The following ANKS1B variants were observed in gnomAD, a reference collection of about 807,000 sequenced individuals.
ANKS1B encodes ankyrin repeat and sterile alpha motif domain containing 1B, also known as ankyrin repeat and sterile alpha motif domain-containing protein 1B.
In ANKS1B, 36 loss-of-function variants were observed where a neutral mutation model predicts 148.3. The observed-to-expected ratio is 0.24, with a 90% CI of 0.19 to 0.32. The LOEUF is 0.32. ANKS1B is among the 10% of genes least tolerant of loss of function. The probability of loss-of-function intolerance (pLI) is 1.00; values close to 1 mark genes in which losing one functional copy is unlikely to be tolerated. For missense variants in ANKS1B, 1,157 were observed against 1,542.6 expected (o/e 0.75, Z 4.19); for synonymous variants, 542 against 560.8 (o/e 0.97, Z 0.47).
chr12:99,716,918 C>T (rs547027429), intron 8 of ANKS1B, among the ~76,000 whole-genome samples: 115 of 152,276 alleles, frequency 7.6e-4, no homozygotes, highest in Middle Eastern at 6.8e-3. Flanking sequence ...TATCACCTCC[C>T]TTCCTCACAC....
intron 25 of ANKS1B, among the ~76,000 whole-genome samples, chr12:98,760,249 G>A (rs922376075): frequency 3.3e-5 from 5 of 149,416 alleles, no homozygotes; most frequent in South Asian, 2.1e-4. Context: ...AGTCTTTTGC[G>A]TTTAAAATAG....
intron 10 of ANKS1B, among the ~76,000 whole-genome samples, chr12:99,487,615 TGGGGGGGG>T (rs35369607): frequency 6.7e-6 from 1 of 149,652 alleles, no homozygotes; most frequent in African/African-American, 2.4e-5. Context: ...ACATTCAATA[TGGGGGGGG>T]GACATTTTTC....
chr12:98,902,133 TA>T (rs2099772992), intron 17 of ANKS1B, among the ~76,000 whole-genome samples: 2 of 152,226 alleles, frequency 1.3e-5, no homozygotes, highest in African/African-American at 4.8e-5. Context: ...GGAATGAATA[TA>T]AACACTGAGA....
chr12:98,937,107 A>AG (rs995886589), intron 17 of ANKS1B, among the ~76,000 whole-genome samples: 1 of 152,210 alleles, frequency 6.6e-6, no homozygotes, highest in Non-Finnish European at 1.5e-5. Flanking sequence ...GTTGTCTCAA[A>AG]GTGGAGAATG....
chr12:99,382,362 T>C (rs2093673596), intron 12 of ANKS1B, among the ~76,000 whole-genome samples: 1 of 151,358 alleles, frequency 6.6e-6, no homozygotes, highest in South Asian at 2.1e-4. Context: ...ATAGACAGAG[T>C]CCTAAGAAGT....
intron 16 of ANKS1B, among the ~76,000 whole-genome samples, chr12:99,080,849 A>G (rs2153614490): frequency 6.6e-6 from 1 of 152,354 alleles, no homozygotes; most frequent in Non-Finnish European, 1.5e-5. Context: ...CAGTAGAAAA[A>G]AAGCCATTTT....
chr12:98,830,167 C>G (rs1364581378), intron 18 of ANKS1B, among the ~76,000 whole-genome samples: 1 of 152,098 alleles, frequency 6.6e-6, no homozygotes, highest in Non-Finnish European at 1.5e-5. Context: ...AATGACTCCT[C>G]TAAAGAGTCA....
At chr12:99,033,140 G>A (rs559119024) in intron 17 of ANKS1B, among the ~76,000 whole-genome samples, 2 of 152,270 alleles carry the variant, frequency 1.3e-5, no homozygotes, top group Non-Finnish European at 2.9e-5. Context: ...AAAAATGCAT[G>A]CCCAGGACCC....
At chr12:99,870,942 G>A (rs186571492) in intron 1 of ANKS1B, among the ~76,000 whole-genome samples, 190 of 152,042 alleles carry the variant, frequency 1.2e-3, no homozygotes, top group African/African-American at 2.6e-3. Context: ...GGTCCTACTC[G>A]TCAATTTTTA....
At chr12:99,553,866 G>C (rs1018018748) in intron 9 of ANKS1B, among the ~76,000 whole-genome samples, 1 of 152,216 alleles carries the variant, frequency 6.6e-6, no homozygotes, top group Admixed American at 6.5e-5. Flanking sequence ...TGTCCAATTA[G>C]AATGTCTTTA....
chr12:99,746,948 T>C (rs1179151135), intron 8 of ANKS1B, among the ~76,000 whole-genome samples: 2 of 152,088 alleles, frequency 1.3e-5, no homozygotes, highest in Admixed American at 1.3e-4. Context: ...TATAAATTAC[T>C]AAATTCAGTG....
intron 14 of ANKS1B, among the ~76,000 whole-genome samples, chr12:99,193,347 C>A (rs2153886303): frequency 6.6e-6 from 1 of 152,296 alleles, no homozygotes; most frequent in Middle Eastern, 3.4e-3. Context: ...CCTCACACCA[C>A]ACAGGTCCTA....
chr12:99,452,518 T>A (rs1383129005), intron 10 of ANKS1B, among the ~76,000 whole-genome samples: 2 of 152,178 alleles, frequency 1.3e-5, no homozygotes, highest in African/African-American at 4.8e-5. Flanking sequence ...ATTAAATAGA[T>A]AAATAAATAA....
chr12:99,780,304 C>T (rs890942375), intron 5 of ANKS1B, among the ~76,000 whole-genome samples: 6 of 151,800 alleles, frequency 4.0e-5, no homozygotes, highest in African/African-American at 1.5e-4. Flanking sequence ...GAGACGGAGT[C>T]TCACTCTGTT....
intron 1 of ANKS1B, among the ~76,000 whole-genome samples, chr12:99,961,521 G>A (rs2095412303): frequency 6.6e-6 from 1 of 152,056 alleles, no homozygotes; most frequent in Non-Finnish European, 1.5e-5. Flanking sequence ...CATCCTCACT[G>A]CCTTGATTCC....
At chr12:98,929,600 T>C (rs941724361) in intron 17 of ANKS1B, among the ~76,000 whole-genome samples, 1 of 152,022 alleles carries the variant, frequency 6.6e-6, no homozygotes, top group Non-Finnish European at 1.5e-5. Context: ...GACATATAAA[T>C]CAATGAAAAT....
intron 10 of ANKS1B, among the ~76,000 whole-genome samples, chr12:99,480,272 A>C (rs1567183727): frequency 6.6e-6 from 1 of 151,984 alleles, no homozygotes; most frequent in East Asian, 1.9e-4. Flanking sequence ...GGAGCTTCAA[A>C]CTTAGCTTCT....
intron 8 of ANKS1B, among the ~76,000 whole-genome samples, chr12:99,715,122 C>T (rs189306592): frequency 6.7e-6 from 1 of 149,954 alleles, no homozygotes; most frequent in African/African-American, 2.5e-5. Flanking sequence ...GAGCAAGAGT[C>T]CATCTAAAAA....
At chr12:99,161,200 T>A (rs1304746761) in intron 14 of ANKS1B, among the ~76,000 whole-genome samples, 1 of 152,192 alleles carries the variant, frequency 6.6e-6, no homozygotes, top group Non-Finnish European at 1.5e-5. Context: ...AAACTGAGGT[T>A]ATTTGACACA....
Sources: allele counts gnomAD v4.1 joint callset (sites outside exome capture counted in the v4.1 genomes callset), GRCh38; gene constraint gnomAD v4.1.1; transcripts MANE v1.5; gene names NCBI Gene and HGNC (gene_info 2026-07-23, HGNC 2026-07-21).